The following DNAH10 variants were observed in gnomAD, a reference collection of about 807,000 sequenced individuals.
DNAH10 encodes the protein axonemal beta dynein heavy chain 10.
A neutral mutation model predicts 506.6 loss-of-function variants in DNAH10; 348 were observed. The observed-to-expected ratio is 0.69, with a 90% confidence interval of 0.63 to 0.75. DNAH10 has a LOEUF of 0.75. Among genes scored for constraint, DNAH10 ranks in the 30% least tolerant of loss-of-function variants. DNAH10 has a pLI of 0.00. For synonymous variants in DNAH10, 2,059 were observed against 2,198.6 expected (o/e 0.94, Z 1.78); for missense variants, 5,179 against 5,787.1 (o/e 0.89, Z 3.41).
Position 123,817,044 on chromosome 12 carries a change from G to A in DNAH10, c.3781-1906G>A, listed in dbSNP as rs373768445. ...ATCTTCTGGCCTCTATTGTTTTGAC[G>A]GAGGAGTTGACTGTTAATCTTTTTG... On this transcript the variant is annotated intron_variant, in intron 21 of 78. Coordinates refer to ENST00000673944, the MANE Select transcript of DNAH10 (RefSeq NM_001372106.1). Among the ~76,000 whole-genome samples the A allele has an allele frequency of 2.1e-4, 32 of 150,138 alleles. No homozygotes were observed. The East Asian group carries it at 3.5e-3, about 16-fold the overall frequency.
intron 52 of DNAH10, among the ~76,000 whole-genome samples, chr12:123,892,016 G>T (rs1025961365): frequency 1.3e-5 from 2 of 152,200 alleles, no homozygotes; most frequent in Non-Finnish European, 2.9e-5. Flanking sequence ...GATTTCCTTG[G>T]GGCTGCTCAT....
intron 12 of DNAH10, among the ~76,000 whole-genome samples, chr12:123,794,976 C>A (rs1209562197): frequency 2.6e-5 from 4 of 151,524 alleles, no homozygotes; most frequent in Non-Finnish European, 5.9e-5. Context: ...TGGTGAAACC[C>A]CCTCTTTACT....
At position 123,916,977 on chromosome 12, in the gene DNAH10, G is replaced by A. The variant is rs781671374; in HGVS notation, c.11002+241G>A. Among the ~76,000 whole-genome samples, 14 of 152,172 alleles carry A rather than the reference G, an allele frequency of 9.2e-5. No homozygotes were observed. Among genetic ancestry groups the A allele is most frequent in the Non-Finnish European group, 1.9e-4 (13 of 68,036 alleles). On this transcript the variant is annotated intron_variant, in intron 63 of 78. Transcript: ENST00000673944. This position sits in a 1 kb window ranked among gnomAD's most constrained non-coding sequence, Gnocchi z 4.6. ...GGGCTTATGTGTTCACACATGGGGT[G>A]GGATGGGACCTCTGACTGTGGGGGC...
intron 21 of DNAH10, chr12:123,814,315 C>G (rs866529866): frequency 6.5e-6 from 1 of 154,742 alleles, no homozygotes; most frequent in African/African-American, 2.4e-5. Context: ...TTCTCAGGAT[C>G]TTTCAAAGTC....
chr12:123,894,632 T>C lies in DNAH10; in HGVS notation c.9200-11T>C, dbSNP rs767869455. 7 of 1,613,076 alleles carry C rather than the reference T, an allele frequency of 4.3e-6. No homozygotes were observed. The highest frequency in any genetic ancestry group is 5.9e-6 in the Non-Finnish European group (7 of 1,179,220). ...CTGGGAGCATCTTTTTAATCTCTCT[T>C]TCCTTTCAAGGTATGGTAAATAACA... is the stretch of plus-strand genomic sequence containing the variant. On this transcript the variant is annotated splice_polypyrimidine_tract_variant and intron_variant, in intron 53 of 78. Coordinates refer to ENST00000673944, the MANE Select transcript of DNAH10 (RefSeq NM_001372106.1).
chr12:123,881,592 G>T (rs1039927943), intron 50 of DNAH10, 33 bp from the exon 51 acceptor site: 10 of 1,500,710 alleles, frequency 6.7e-6, no homozygotes, highest in Non-Finnish European at 8.0e-6. Flanking sequence ...CACCATGCTG[G>T]GTTTTGAATT....
intron 30 of DNAH10, among the ~76,000 whole-genome samples, chr12:123,842,427 C>G (rs895751731): frequency 2.6e-5 from 4 of 152,180 alleles, no homozygotes; most frequent in Middle Eastern, 3.2e-3. Context: ...CTAACTTATT[C>G]TATTAGATTA....
intron 52 of DNAH10, among the ~76,000 whole-genome samples, chr12:123,890,622 G>A (rs985182583): frequency 7.9e-5 from 12 of 152,120 alleles, no homozygotes; most frequent in Admixed American, 5.2e-4. Context: ...CCAGTGCGCC[G>A]TGGGGACGAG....
At chr12:123,929,628 G>T in intron 71 of DNAH10, 36 bp from the exon 72 acceptor site, 1 of 1,596,844 alleles carries the variant, frequency 6.3e-7, no homozygotes, top group Non-Finnish European at 8.5e-7. Context: ...AGCTTGGTGG[G>T]TTTCAGTATA....
intron 26 of DNAH10, 30 bp downstream of exon 26, chr12:123,830,729 A>T: frequency 1.9e-6 from 3 of 1,567,342 alleles, no homozygotes; most frequent in Non-Finnish European, 2.6e-6. Flanking sequence ...CAGGCTGGAG[A>T]AAACAGTCTT....
intron 4 of DNAH10, 70 bp downstream of exon 4, chr12:123,773,012 C>T (rs1957315919): frequency 9.7e-7 from 1 of 1,035,420 alleles, no homozygotes; most frequent in Non-Finnish European, 1.4e-6. Flanking sequence ...TGTTCACTCT[C>T]ATTCTGTTGT....
At chr12:123,932,531 T>C (rs1245825384) in intron 76 of DNAH10, 1 of 172,166 alleles carries the variant, frequency 5.8e-6, no homozygotes, top group African/African-American at 2.4e-5. Context: ...CACATGTATA[T>C]GAATATGCAT....
At position 123,866,021 on chromosome 12, in the gene DNAH10, A is replaced by C; in HGVS notation, c.7115A>C (p.Asn2372Thr). 6.2e-7 allele frequency: 1 copy of C among 1,612,512 alleles called. No individual in the cohort carries two copies. The highest frequency in any genetic ancestry group is 8.5e-7 in the Non-Finnish European group (1 of 1,179,532). Residue 2372 changes from asparagine to threonine, a missense_variant, in exon 41 of 79, where the codon AAC (asparagine) becomes ACC (threonine). Asn to Thr is a moderately conservative substitution (Grantham distance 65). Around this residue, in one of 3 missense-constraint regions of DNAH10, gnomAD observed 4,844 missense variants for 5,430.5 expected, o/e 0.89. Coordinates refer to ENST00000673944, the MANE Select transcript of DNAH10 (RefSeq NM_001372106.1). ...RCGMVYVDPK[N>T]LKYRPYWKKW... ...GGAATGGTTTATGTGGATCCTAAAAACTTGAAATATCGACCATACTGGAAA... is the reference window on the plus strand; with the variant it reads ...GGAATGGTTTATGTGGATCCTAAAACCTTGAAATATCGACCATACTGGAAA...
chr12:123,928,269 G>A lies in DNAH10; in HGVS notation c.12106-118G>A. ...CCTGTAGCTCCTGGATCCTCGGCTT[G>A]CTTTTGGCTTCTGCTGGAGCTGCCA... On this transcript the variant is annotated intron_variant, in intron 69 of 78. Transcript: ENST00000673944. The surrounding 1 kb of genome is among the most constrained non-coding windows in gnomAD (Gnocchi z 4.9). 2.6e-6 allele frequency: 3 copies of A among 1,155,318 alleles called. No individual in the cohort carries two copies. Among genetic ancestry groups the A allele is most frequent in the East Asian group, 2.6e-5 (1 of 39,010 alleles). 71.6% of individuals were successfully genotyped at this position (1,155,318 alleles called of 1,614,324 possible).
intron 21 of DNAH10, among the ~76,000 whole-genome samples, chr12:123,817,788 ATT>A (rs1429328262): frequency 3.3e-5 from 5 of 152,132 alleles, no homozygotes; most frequent in Non-Finnish European, 7.4e-5. Context: ...GTGATGTTAT[ATT>A]TTATCAGAGG....
chr12:123,857,178 C>A lies in DNAH10; in HGVS notation c.6561C>A (p.Arg2187=). 6.2e-7 allele frequency: 1 copy of A among 1,609,010 alleles called. No individual in the cohort carries two copies. Residue 2187 remains arginine (R), a synonymous_variant, in exon 37 of 79, where the codon CGC becomes CGA. Coordinates refer to ENST00000673944, the MANE Select transcript of DNAH10 (RefSeq NM_001372106.1). ...LFPGLDCPRV[R]YPDFNDAVEQ... is the part of the protein sequence containing the mutation. ...CTGGGCTGGACTGCCCTCGCGTCCG[C>A]TACCCTGACTTCAACGATGCGGTAG...
chr12:123,762,364 C>A lies in DNAH10; in HGVS notation c.28C>A (p.Arg10Ser). The A allele has an allele frequency of 1.5e-6, 2 of 1,364,622 alleles. No individual in the cohort carries two copies. The highest frequency in any genetic ancestry group is 1.9e-6 in the Non-Finnish European group (2 of 1,055,808). The allele number at this position is 1,364,622 out of a possible 1,614,324, so 84.5% of individuals were successfully genotyped here. The change falls in exon 1 of 79, where the codon CGC (arginine) becomes AGC (serine). Residue 10 changes from arginine (R) to serine (S), a missense_variant. By Grantham distance (110) the Arg-to-Ser change is moderately radical. Around this residue, in one of 3 missense-constraint regions of DNAH10, gnomAD observed 326 missense variants for 330.8 expected, o/e 0.99. Coordinates refer to ENST00000673944, the MANE Select transcript of DNAH10 (RefSeq NM_001372106.1). The surrounding 1 kb of genome is among the most constrained non-coding windows in gnomAD (Gnocchi z 5.0). ...GGACGACCTGCGGGTGCTGTGGATGCGCGACCGCGTGTATGCGGCTTTCGG... is the reference window on the plus strand; with the variant it reads ...GGACGACCTGCGGGTGCTGTGGATGAGCGACCGCGTGTATGCGGCTTTCGG... MDDLRVLWM[R>S]DRVYAAFGIT...
At chr12:123,859,744 C>T (rs1046598618) in intron 38 of DNAH10, among the ~76,000 whole-genome samples, 5 of 151,970 alleles carry the variant, frequency 3.3e-5, no homozygotes, top group African/African-American at 4.8e-5. Flanking sequence ...CATTGAAGAT[C>T]GTAAAGGAGC....
chr12:123,884,324 C>A (rs1172000789), intron 51 of DNAH10, among the ~76,000 whole-genome samples: 1 of 152,216 alleles, frequency 6.6e-6, no homozygotes, highest in Admixed American at 6.5e-5. Flanking sequence ...TTTCTGGAAT[C>A]AGATTTAACT....
Sources: gnomAD v4.1 joint callset for allele counts (sites outside exome capture counted in the v4.1 genomes callset) on GRCh38, gnomAD v4.1.1 for gene constraint, gnomAD v4.1.1 regional missense constraint, Gnocchi (gnomAD v3.1) non-coding constraint, MANE v1.5 for transcripts, NCBI Gene and HGNC (gene_info 2026-07-23, HGNC 2026-07-21) for gene names.